The following RBFOX3 variants were observed in gnomAD, a reference collection of about 807,000 sequenced individuals.
The protein encoded by RBFOX3 is RNA binding protein fox-1 homolog 3.
A neutral mutation model predicts 48.7 loss-of-function variants in RBFOX3; 17 were observed. The observed-to-expected ratio is 0.35, with a 90% CI of 0.24 to 0.52. The LOEUF is 0.52. RBFOX3 is among the 20% of genes least tolerant of loss of function. RBFOX3 has a pLI of 0.94. For missense variants in RBFOX3, 382 were observed against 497.5 expected (o/e 0.77, Z 2.21); for synonymous variants, 212 against 209.5 (o/e 1.01, Z -0.10).
intron 4 of RBFOX3, among the ~76,000 whole-genome samples, chr17:79,164,219 G>C (rs935868137): frequency 6.6e-5 from 10 of 152,238 alleles, no homozygotes; most frequent in African/African-American, 2.4e-4. Context: ...CACCTGGCAG[G>C]GGCGGTGGCG....
chr17:79,153,878 T>G (rs933235713), intron 4 of RBFOX3, among the ~76,000 whole-genome samples: 1 of 152,140 alleles, frequency 6.6e-6, no homozygotes, highest in Non-Finnish European at 1.5e-5. Context: ...CGGCTGCCCA[T>G]GGTGGTCTCC....
intron 2 of RBFOX3, among the ~76,000 whole-genome samples, chr17:79,455,820 C>T (rs981847845): frequency 1.3e-5 from 2 of 152,214 alleles, no homozygotes; most frequent in Non-Finnish European, 2.9e-5. Context: ...TCCACATGCA[C>T]CCTTGACACC....
At chr17:79,536,621 C>G (rs1159924124) in intron 1 of RBFOX3, among the ~76,000 whole-genome samples, 1 of 147,990 alleles carries the variant, frequency 6.8e-6, no homozygotes, top group Non-Finnish European at 1.5e-5. Context: ...GTGTTTTCCC[C>G]TGAAGGAGCC....
intron 2 of RBFOX3, among the ~76,000 whole-genome samples, chr17:79,382,195 G>A (rs1053798108): frequency 6.6e-6 from 1 of 152,196 alleles, no homozygotes; most frequent in East Asian, 1.9e-4. Context: ...CACCCAACGG[G>A]AGACGATGGT....
At chr17:79,531,519 C>T (rs1468236749) in intron 1 of RBFOX3, among the ~76,000 whole-genome samples, 8 of 152,124 alleles carry the variant, frequency 5.3e-5, no homozygotes, top group African/African-American at 1.2e-4. Flanking sequence ...ACGGGGGAGA[C>T]GGAATAATCC....
At chr17:79,521,984 G>A (rs1275409617) in intron 1 of RBFOX3, among the ~76,000 whole-genome samples, 1 of 152,174 alleles carries the variant, frequency 6.6e-6, no homozygotes, top group Non-Finnish European at 1.5e-5. Context: ...GGCAAAGGAG[G>A]GCTCTGCTGC....
At chr17:79,237,686 C>T (rs2061801368) in intron 3 of RBFOX3, among the ~76,000 whole-genome samples, 1 of 152,210 alleles carries the variant, frequency 6.6e-6, no homozygotes, top group South Asian at 2.1e-4. Context: ...GGGCTATGGG[C>T]CAAGGAGCAG....
intron 2 of RBFOX3, among the ~76,000 whole-genome samples, chr17:79,327,093 T>G (rs2079448402): frequency 6.6e-6 from 1 of 152,338 alleles, no homozygotes; most frequent in South Asian, 2.1e-4. Flanking sequence ...ACAGTCACCC[T>G]TGAGCATTTC....
In RBFOX3 at chr17:79,418,746, A is replaced by G. The variant is rs959019849; in HGVS notation, c.-175+63708T>C. Among the ~76,000 whole-genome samples, 30 of 152,206 alleles carry G rather than the reference A, an allele frequency of 2.0e-4. No homozygotes were observed. Among genetic ancestry groups the G allele is most frequent in the African/African-American group, 5.5e-4 (23 of 41,530 alleles). On this transcript the variant is annotated intron_variant, in intron 2 of 14. Transcript: ENST00000693108. This position sits in a 1 kb window ranked among gnomAD's most constrained non-coding sequence, Gnocchi z 5.0. ...CTCTCCTTAGACTTGCTGCTTGAGA[A>G]GGAGGTTTGGGAGAGGAATTCCTTC...
intron 14 of RBFOX3, chr17:79,092,340 T>G: frequency 2.0e-6 from 2 of 985,256 alleles, no homozygotes; most frequent in Non-Finnish European, 2.4e-6. Flanking sequence ...ATCAACAAAG[T>G]CAAAATAGGA....
At chr17:79,126,620 A>C (rs2037377405) in intron 4 of RBFOX3, among the ~76,000 whole-genome samples, 3 of 152,118 alleles carry the variant, frequency 2.0e-5, no homozygotes, top group South Asian at 4.1e-4. Context: ...ACGAGGCCCC[A>C]TCTCTCTGCA....
At chr17:79,115,012 A>C (rs1053725160) in intron 5 of RBFOX3, among the ~76,000 whole-genome samples, 1 of 152,324 alleles carries the variant, frequency 6.6e-6, no homozygotes, top group Non-Finnish European at 1.5e-5. Flanking sequence ...AAGCAGGTAG[A>C]TTACAAGTGA....
Position 79,249,604 on chromosome 17 carries a change from TACAG to T in RBFOX3, c.-73-13803_-73-13800del, listed in dbSNP as rs2063647666. Among the ~76,000 whole-genome samples, 1 of 151,908 alleles carries T rather than the reference TACAG, an allele frequency of 6.6e-6. No homozygotes were observed. The highest frequency in any genetic ancestry group is 1.5e-5 in the Non-Finnish European group (1 of 67,990). On this transcript the variant is annotated intron_variant, in intron 3 of 14. Transcript: ENST00000693108. The surrounding 1 kb of genome is among the most constrained non-coding windows in gnomAD (Gnocchi z 4.1). ...CTGTCCTAATCACCCCAGAGCCAGG[TACAG>T]ACAATCAGATCCAGCCCCATAGCCC...
chr17:79,288,558 C>T (rs973378415), intron 3 of RBFOX3, among the ~76,000 whole-genome samples: 3 of 151,878 alleles, frequency 2.0e-5, no homozygotes, highest in South Asian at 2.1e-4. Flanking sequence ...ACGTGATGGG[C>T]AGTTTCCGTC....
chr17:79,463,034 A>ACCGCCACTGCCACCTCCACCG (rs2075608475), intron 2 of RBFOX3, among the ~76,000 whole-genome samples: 2 of 117,646 alleles, frequency 1.7e-5, no homozygotes, highest in Admixed American at 8.8e-5. Flanking sequence ...CACCTCCACC[A>ACCGCCACTGCCACCTCCACCG]CCATCGCCAC....
intron 1 of RBFOX3, among the ~76,000 whole-genome samples, chr17:79,489,691 G>A (rs1293107882): frequency 2.0e-5 from 3 of 152,152 alleles, no homozygotes; most frequent in Non-Finnish European, 4.4e-5. Flanking sequence ...CAGCCCTCTG[G>A]AGCTTGCCCG....
At chr17:79,549,342 T>C (rs919237233) in intron 1 of RBFOX3, among the ~76,000 whole-genome samples, 12 of 152,214 alleles carry the variant, frequency 7.9e-5, no homozygotes, top group African/African-American at 2.7e-4. Flanking sequence ...CTGGGGCTCA[T>C]CCGTCCGGCA....
At chr17:79,511,104 G>C (rs879997496) in intron 1 of RBFOX3, among the ~76,000 whole-genome samples, 1 of 152,174 alleles carries the variant, frequency 6.6e-6, no homozygotes, top group Non-Finnish European at 1.5e-5. Context: ...TCCACGCAGG[G>C]GCACCAAGGT....
intron 4 of RBFOX3, among the ~76,000 whole-genome samples, chr17:79,190,984 A>G (rs1432337781): frequency 6.6e-6 from 1 of 152,164 alleles, no homozygotes; most frequent in Middle Eastern, 3.2e-3. Context: ...AATTTGCACC[A>G]TGTTTGGTTA....
Sources: allele counts gnomAD v4.1 joint callset (sites outside exome capture counted in the v4.1 genomes callset), GRCh38; gene constraint gnomAD v4.1.1; non-coding constraint Gnocchi (gnomAD v3.1); transcripts MANE v1.5; gene names NCBI Gene and HGNC (gene_info 2026-07-23, HGNC 2026-07-21).